AGBL4: variants seen among roughly 807,000 people sequenced by gnomAD.
AGBL4 encodes the protein cytosolic carboxypeptidase 6.
A neutral mutation model predicts 66.4 loss-of-function variants in AGBL4; 58 were observed. That is an observed-to-expected ratio of 0.87 (90% CI 0.71 to 1.09). The LOEUF (loss-of-function observed/expected upper bound fraction) is 1.09, where lower values mean the gene tolerates loss of function less well. Ranked by LOEUF, AGBL4 falls within the 50% of genes least tolerant of loss-of-function variation. The pLI, the probability that AGBL4 is intolerant of heterozygous loss-of-function variation, is 0.00. For missense variants in AGBL4, 579 were observed against 631.0 expected (o/e 0.92, Z 0.88); for synonymous variants, 234 against 222.9 (o/e 1.05, Z -0.44).
At chr1:49,143,043 C>T (rs1246231014) in intron 4 of AGBL4, among the ~76,000 whole-genome samples, 1 of 152,104 alleles carries the variant, frequency 6.6e-6, no homozygotes, top group African/African-American at 2.4e-5. Context: ...TGGGAATATA[C>T]ATTAAACGGG....
At chr1:49,484,590 T>A (rs572162512) in intron 3 of AGBL4, among the ~76,000 whole-genome samples, 2 of 152,032 alleles carry the variant, frequency 1.3e-5, no homozygotes, top group South Asian at 4.1e-4. Context: ...GAAGGATGAT[T>A]ATCAGAGGCT....
At chr1:48,947,036 A>G (rs1656572368) in intron 5 of AGBL4, among the ~76,000 whole-genome samples, 2 of 152,188 alleles carry the variant, frequency 1.3e-5, no homozygotes, top group African/African-American at 4.8e-5. Flanking sequence ...TTCTTCCACC[A>G]TACTGTGTTT....
intron 3 of AGBL4, among the ~76,000 whole-genome samples, chr1:49,453,973 T>C (rs1206962857): frequency 1.3e-5 from 2 of 151,760 alleles, no homozygotes; most frequent in East Asian, 1.9e-4. Flanking sequence ...CAAAATTCAT[T>C]AGTGATTTTA....
intron 6 of AGBL4, among the ~76,000 whole-genome samples, chr1:48,720,564 A>G (rs1647129250): frequency 6.6e-6 from 1 of 152,230 alleles, no homozygotes. Flanking sequence ...GTGAAATGCA[A>G]ATGGTAATAG....
intron 3 of AGBL4, among the ~76,000 whole-genome samples, chr1:49,607,643 C>T (rs1645083871): frequency 6.6e-6 from 1 of 152,082 alleles, no homozygotes; most frequent in South Asian, 2.1e-4. Context: ...CTTTAATACA[C>T]TCTAATTTTC....
Position 48,577,208 on chromosome 1 carries a change from G to A in AGBL4, c.1267+9796C>T, listed in dbSNP as rs1020672108. Among the ~76,000 whole-genome samples the A allele has an allele frequency of 2.0e-5, 3 of 152,296 alleles. No individual in the cohort carries two copies. In the East Asian group the frequency reaches 5.8e-4, roughly 29 times the overall value. On this transcript the variant is annotated intron_variant, in intron 11 of 13. Transcript: ENST00000371839. ...ACTTTTGGGCTCTTCCCACACTTGT[G>A]CAATAAGAAGGTGGGAACACAAGTA...
intron 9 of AGBL4, among the ~76,000 whole-genome samples, chr1:48,598,857 T>G (rs945321921): frequency 6.6e-6 from 1 of 152,100 alleles, no homozygotes; most frequent in Non-Finnish European, 1.5e-5. Context: ...CTTTATAAAC[T>G]TTTAATTTTT....
intron 1 of AGBL4, among the ~76,000 whole-genome samples, chr1:49,984,397 C>T (rs1021421752): frequency 6.6e-6 from 1 of 152,346 alleles, no homozygotes; most frequent in Non-Finnish European, 1.5e-5. Flanking sequence ...GAGAGCTTAA[C>T]TGTAACACAT....
intron 5 of AGBL4, among the ~76,000 whole-genome samples, chr1:48,993,892 A>T (rs1660802470): frequency 1.3e-5 from 2 of 152,200 alleles, no homozygotes; most frequent in Admixed American, 1.3e-4. Context: ...GCAATTCAAG[A>T]TGGTATTTCC....
chr1:49,651,493 C>T (rs1248548355), intron 3 of AGBL4, among the ~76,000 whole-genome samples: 2 of 152,062 alleles, frequency 1.3e-5, no homozygotes, highest in African/African-American at 2.4e-5. Context: ...CTGAGACCTC[C>T]GCATTTCCAA....
chr1:49,487,338 G>A (rs1647089643), intron 3 of AGBL4, among the ~76,000 whole-genome samples: 1 of 151,918 alleles, frequency 6.6e-6, no homozygotes, highest in South Asian at 2.1e-4. Context: ...TATGAGGTAG[G>A]TGTCTGAGAA....
chr1:49,486,648 G>GC (rs560243986), intron 3 of AGBL4, among the ~76,000 whole-genome samples: 67 of 152,056 alleles, frequency 4.4e-4, no homozygotes, highest in African/African-American at 1.5e-3. Flanking sequence ...GCATTCTCCT[G>GC]TGATTTCAGC....
chr1:49,187,021 T>C (rs1396969247), intron 4 of AGBL4, among the ~76,000 whole-genome samples: 2 of 152,184 alleles, frequency 1.3e-5, no homozygotes, highest in African/African-American at 2.4e-5. Flanking sequence ...TTCTTTGGCA[T>C]AGATCCATGA....
At chr1:49,727,873 A>G (rs1043207892) in intron 2 of AGBL4, among the ~76,000 whole-genome samples, 2 of 152,116 alleles carry the variant, frequency 1.3e-5, no homozygotes, top group Non-Finnish European at 2.9e-5. Flanking sequence ...ACTTATTATT[A>G]TTATTATACC....
chr1:48,748,404 G>A (rs911161439), intron 6 of AGBL4, among the ~76,000 whole-genome samples: 1 of 152,206 alleles, frequency 6.6e-6, no homozygotes, highest in African/African-American at 2.4e-5. Flanking sequence ...TGTGCTAGGT[G>A]GAACTGAGTG....
At chr1:48,744,807 G>A (rs1295319637) in intron 6 of AGBL4, among the ~76,000 whole-genome samples, 1 of 152,074 alleles carries the variant, frequency 6.6e-6, no homozygotes, top group Non-Finnish European at 1.5e-5. Context: ...CTACCGCTAG[G>A]GTTCATTTCT....
intron 5 of AGBL4, among the ~76,000 whole-genome samples, chr1:49,005,541 G>A (rs1320538801): frequency 6.6e-6 from 1 of 152,150 alleles, no homozygotes; most frequent in Non-Finnish European, 1.5e-5. Flanking sequence ...TTGTATTCAA[G>A]TAACCCTTAT....
At chr1:49,037,210 G>C (rs949306682) in intron 5 of AGBL4, among the ~76,000 whole-genome samples, 2 of 152,034 alleles carry the variant, frequency 1.3e-5, no homozygotes, top group African/African-American at 4.8e-5. Context: ...GTTAAGATCA[G>C]AGAGGCCAAT....
chr1:49,110,384 A>T (rs899722187), intron 4 of AGBL4, among the ~76,000 whole-genome samples: 2 of 152,212 alleles, frequency 1.3e-5, no homozygotes, highest in African/African-American at 4.8e-5. Context: ...ATACAGGGCT[A>T]TCATGGTAAG....
Sources: gnomAD v4.1 joint callset for allele counts (sites outside exome capture counted in the v4.1 genomes callset) on GRCh38, gnomAD v4.1.1 for gene constraint, MANE v1.5 for transcripts, NCBI Gene and HGNC (gene_info 2026-07-23, HGNC 2026-07-21) for gene names.